Variants in SFSWAP observed in about 807,000 individuals in gnomAD.
SFSWAP encodes the protein splicing factor SWAP.
In SFSWAP, 17 loss-of-function variants were observed where a neutral mutation model predicts 100.7. The observed-to-expected ratio is 0.17, with a 90% CI of 0.12 to 0.25. SFSWAP has a LOEUF of 0.25. Among genes scored for constraint, SFSWAP ranks in the 10% least tolerant of loss-of-function variants. SFSWAP has a pLI of 1.00. For synonymous variants in SFSWAP, 504 were observed against 510.1 expected, an observed-to-expected ratio of 0.99 and a Z score of 0.16; for missense variants, 1,005 against 1,262.6, an observed-to-expected ratio of 0.80 and a Z score of 3.09.
At chr12:131,772,569 G>A (rs889302140) in intron 13 of SFSWAP, among the ~76,000 whole-genome samples, 2 of 152,224 alleles carry the variant, frequency 1.3e-5, no homozygotes, top group Non-Finnish European at 2.9e-5. Context: ...ACGGACAGGT[G>A]CGGGAACCAG....
Position 131,711,147 on chromosome 12 carries a change from G to A in SFSWAP, c.-83G>A. 8.6e-7 allele frequency: 1 copy of A among 1,163,676 alleles called. No individual in the cohort carries two copies. Among genetic ancestry groups the A allele is most frequent in the East Asian group, 2.6e-5 (1 of 38,720 alleles). 72.1% of individuals were successfully genotyped at this position (1,163,676 alleles called of 1,614,324 possible). On this transcript the variant is annotated 5_prime_UTR_variant, in exon 1 of 18. The change abolishes the stop of an existing upstream ORF in the 5' untranslated region. Transcript: ENST00000261674. The surrounding 1 kb of genome is among the most constrained non-coding windows in gnomAD (Gnocchi z 4.9). ...GTTGGGTACGGGATGCGGGGTCTTT[G>A]ACTGAAGGGGTAGGCCAAGTGGAGG...
chr12:131,729,406 A>C (rs1044158392), intron 7 of SFSWAP, among the ~76,000 whole-genome samples: 1 of 152,114 alleles, frequency 6.6e-6, no homozygotes, highest in Non-Finnish European at 1.5e-5. Flanking sequence ...TGGGAGGCTG[A>C]GGTGAGAGGA....
At chr12:131,771,580 TG>T (rs1386934099) in intron 13 of SFSWAP, among the ~76,000 whole-genome samples, 1 of 151,576 alleles carries the variant, frequency 6.6e-6, no homozygotes, top group African/African-American at 2.4e-5. Context: ...AGCCTTTCGG[TG>T]GGAAAGCAGC....
chr12:131,723,769 T>G (rs759394494), intron 4 of SFSWAP, among the ~76,000 whole-genome samples: 6 of 152,198 alleles, frequency 3.9e-5, no homozygotes, highest in Admixed American at 6.5e-5. Flanking sequence ...TTCCCATGCC[T>G]CCTCTGGAGC....
intron 10 of SFSWAP, among the ~76,000 whole-genome samples, chr12:131,755,989 C>T (rs1430058518): frequency 6.6e-6 from 1 of 152,264 alleles, no homozygotes; most frequent in African/African-American, 2.4e-5. Context: ...ACAGCCCCCT[C>T]TTCTGCCTTT....
intron 14 of SFSWAP, among the ~76,000 whole-genome samples, chr12:131,780,079 C>T (rs574697209): frequency 3.9e-5 from 6 of 152,344 alleles, no homozygotes; most frequent in African/African-American, 1.2e-4. Flanking sequence ...AGCCACTGTG[C>T]CCAGCCTGCT....
Position 131,754,459 on chromosome 12 carries a change from C to G in SFSWAP, c.1414C>G (p.Leu472Val), listed in dbSNP as rs759142886. The G allele has an allele frequency of 1.5e-5, 24 of 1,604,104 alleles. No individual in the cohort carries two copies. The highest frequency in any genetic ancestry group is 1.8e-5 in the Non-Finnish European group (21 of 1,176,608). Reference sequence around the variant, plus strand: ...GGCCGAGTATGTCGCCAGGAACGGCCTGAAGTTCGAGACCAGTGTTCGTGC... The same window carrying G: ...GGCCGAGTATGTCGCCAGGAACGGCGTGAAGTTCGAGACCAGTGTTCGTGC... ...KLAEYVARNG[L>V]KFETSVRAKN... Residue 472 changes from leucine (L) to valine (V), a missense_variant, in exon 9 of 18, where the codon CTG becomes GTG. By Grantham distance (32) the Leu-to-Val change is conservative. Coordinates refer to ENST00000261674, the MANE Select transcript of SFSWAP (RefSeq NM_004592.4).
chr12:131,716,692 AC>A (rs1370149351), intron 3 of SFSWAP, among the ~76,000 whole-genome samples: 1 of 152,226 alleles, frequency 6.6e-6, no homozygotes, highest in African/African-American at 2.4e-5. Flanking sequence ...GTCTGTTGCC[AC>A]TTTCGCACTT....
chr12:131,773,495 C>T, intron 13 of SFSWAP, among the ~76,000 whole-genome samples: 1 of 152,130 alleles, frequency 6.6e-6, no homozygotes, highest in Non-Finnish European at 1.5e-5. Context: ...CACTTGCCAC[C>T]ATGCCCAGCT....
intron 11 of SFSWAP, among the ~76,000 whole-genome samples, chr12:131,762,227 C>T (rs1006893803): frequency 2.0e-5 from 3 of 150,500 alleles, no homozygotes; most frequent in East Asian, 2.0e-4. Context: ...AGCGAGACTC[C>T]GTCTCCAAAA....
At chr12:131,789,251 G>C (rs1477088558) in intron 15 of SFSWAP, among the ~76,000 whole-genome samples, 3 of 152,194 alleles carry the variant, frequency 2.0e-5, no homozygotes, top group Non-Finnish European at 1.5e-5. Flanking sequence ...CAAAGTGCTG[G>C]CATAAACCAC....
intron 11 of SFSWAP, among the ~76,000 whole-genome samples, chr12:131,763,502 A>G (rs1251497403): frequency 6.6e-6 from 1 of 152,194 alleles, no homozygotes; most frequent in Non-Finnish European, 1.5e-5. Flanking sequence ...GGGGCGGGAA[A>G]GATGATTTTT....
rs942080915 is a variant in SFSWAP at position 131,711,736 on chromosome 12, C to A, written c.218+289C>A. 18 of 394,854 alleles carry A rather than the reference C, an allele frequency of 4.6e-5. No homozygotes were observed. The highest frequency in any genetic ancestry group is 7.5e-5 in the Non-Finnish European group (16 of 214,124). The allele number at this position is 394,854 out of a possible 1,614,324, so 24.5% of individuals were successfully genotyped here. A position where few individuals can be genotyped will look rare whatever the true frequency, so the allele number is the denominator to read the frequency against. On this transcript the variant is annotated intron_variant, in intron 1 of 17. Transcript: ENST00000261674. This position sits in a 1 kb window ranked among gnomAD's most constrained non-coding sequence, Gnocchi z 4.9. ...CACCCTGTCGCTGGGCTGCAGTTGG[C>A]GATTCCGCGCGGTGAAAGCAGCCAG...
chr12:131,765,389 C>T (rs1593165321), intron 12 of SFSWAP, among the ~76,000 whole-genome samples: 2 of 152,216 alleles, frequency 1.3e-5, no homozygotes, highest in South Asian at 4.1e-4. Flanking sequence ...TAGCTCATGC[C>T]TGTAATCCCA....
At chr12:131,770,545 G>T (rs1171651926) in intron 13 of SFSWAP, among the ~76,000 whole-genome samples, 1 of 152,204 alleles carries the variant, frequency 6.6e-6, no homozygotes, top group Non-Finnish European at 1.5e-5. Context: ...TAAAACTGAT[G>T]TATACATATG....
intron 7 of SFSWAP, among the ~76,000 whole-genome samples, chr12:131,742,868 A>G (rs1880780195): frequency 1.3e-5 from 2 of 152,164 alleles, no homozygotes. Context: ...GAAGAGGTTT[A>G]ATGGACTTAC....
intron 7 of SFSWAP, among the ~76,000 whole-genome samples, chr12:131,729,246 A>G (rs1255138921): frequency 1.3e-5 from 2 of 152,180 alleles, no homozygotes; most frequent in African/African-American, 4.8e-5. Context: ...GCTAATGCCT[A>G]TAATCCCAAC....
chr12:131,720,619 A>G (rs1878383478), intron 4 of SFSWAP, among the ~76,000 whole-genome samples: 1 of 152,198 alleles, frequency 6.6e-6, no homozygotes, highest in South Asian at 2.1e-4. Context: ...ATGCCGGGAA[A>G]GCTCCGCACA....
intron 3 of SFSWAP, 87 bp downstream of exon 3, chr12:131,715,040 A>G: frequency 7.3e-7 from 1 of 1,377,688 alleles, no homozygotes; most frequent in Non-Finnish European, 1.0e-6. Context: ...TGCAGAACAC[A>G]TCTCTGGCAC....
Sources: allele counts gnomAD v4.1 joint callset (sites outside exome capture counted in the v4.1 genomes callset), GRCh38; gene constraint gnomAD v4.1.1; non-coding constraint Gnocchi (gnomAD v3.1); transcripts MANE v1.5; gene names NCBI Gene and HGNC (gene_info 2026-07-23, HGNC 2026-07-21).